The following TUBA3E variants were observed in gnomAD, a reference collection of about 807,000 sequenced individuals.
TUBA3E encodes tubulin alpha 3e.
A neutral mutation model predicts 36.7 loss-of-function variants in TUBA3E; 21 were observed. The observed-to-expected ratio is 0.57, with a 90% CI of 0.41 to 0.83. The LOEUF (loss-of-function observed/expected upper bound fraction) is 0.83, where lower values mean the gene tolerates loss of function less well. TUBA3E is among the 40% of genes least tolerant of loss of function. TUBA3E has a pLI of 0.00. For missense variants in TUBA3E, 469 were observed against 604.2 expected (o/e 0.78, Z 2.35); for synonymous variants, 177 against 241.9 (o/e 0.73, Z 2.49).
intron 1 of TUBA3E, among the ~76,000 whole-genome samples, chr2:130,197,036 C>A (rs541178282): frequency 6.6e-6 from 1 of 152,306 alleles, no homozygotes; most frequent in East Asian, 1.9e-4. Flanking sequence ...TGACCTGAAT[C>A]CCTCTCAAGG....
In TUBA3E at chr2:130,193,985, AGCTGCTCGTGGTAG is replaced by A. The variant is rs1301757663; in HGVS notation, c.843_856del (p.Tyr282ValfsTer20). The A allele has an allele frequency of 6.2e-7, 1 of 1,614,044 alleles. No individual in the cohort carries two copies. The highest frequency in any genetic ancestry group is 2.2e-5 in the East Asian group (1 of 44,892). ...GGCATTGGTGATCTCGGCCACAGAC[AGCTGCTCGTGGTAG>A]GCCTTCTCAGCTGAGATGACTGGGG... is the stretch of plus-strand genomic sequence containing the variant. On this transcript the variant is annotated frameshift_variant, in exon 4 of 5. Transcript: ENST00000312988. LOFTEE classifies it high-confidence loss of function.
chr2:130,195,294 G>C lies in TUBA3E; in HGVS notation c.227-67C>G, dbSNP rs1008864865. 3.2e-6 allele frequency: 5 copies of C among 1,573,318 alleles called. No individual in the cohort carries two copies. In the African/African-American group the frequency reaches 5.5e-5, roughly 17 times the overall value. On this transcript the variant is annotated intron_variant, in intron 2 of 4. Coordinates refer to ENST00000312988, the MANE Select transcript of TUBA3E (RefSeq NM_207312.3). ...TACTCACCAAGATGGACACATTCCAGGAGTGTTCACTTCTACAGAGCACAT... is the reference window on the plus strand; with the variant it reads ...TACTCACCAAGATGGACACATTCCACGAGTGTTCACTTCTACAGAGCACAT...
Position 130,195,166 on chromosome 2 carries a change from C to T in TUBA3E, c.288G>A (p.Lys96=), listed in dbSNP as rs767204960. 8 of 1,613,842 alleles carry T rather than the reference C, an allele frequency of 5.0e-6. No homozygotes were observed. Among genetic ancestry groups the T allele is most frequent in the African/African-American group, 1.3e-5 (1 of 74,802 alleles). Residue 96 remains lysine (K), a synonymous_variant, in exon 3 of 5, where the codon AAG becomes AAA. Transcript: ENST00000312988. ...LFHPEQLITG[K]EDAASNYARG... ...TGGCGTAATTACTGGCTGCATCTTC[C>T]TTCCCGGTGATCAGCTGCTCTGGGT...
At position 130,194,032 on chromosome 2, in the gene TUBA3E, G is replaced by A; in HGVS notation, c.810C>T (p.Ala270=). ...VPYPRIHFPL[A]TYAPVISAEK... Reference sequence around the variant, plus strand: ...CAGCTGAGATGACTGGGGCGTAGGTGGCCAGGGGGAAGTGGATGCGGGGGT... The same window carrying A: ...CAGCTGAGATGACTGGGGCGTAGGTAGCCAGGGGGAAGTGGATGCGGGGGT... The change falls in exon 4 of 5, where the codon GCC becomes GCT. Residue 270 remains alanine (A), a synonymous_variant. Transcript: ENST00000312988. The A allele has an allele frequency of 6.2e-7, 1 of 1,614,238 alleles. No homozygotes were observed.
In TUBA3E at chr2:130,193,930, C is replaced by G; in HGVS notation, c.912G>C (p.Lys304Asn). 1.2e-6 allele frequency: 2 copies of G among 1,614,240 alleles called. No individual in the cohort carries two copies. Among genetic ancestry groups the G allele is most frequent in the Non-Finnish European group, 8.5e-7 (1 of 1,180,044 alleles). The change falls in exon 4 of 5, where the codon AAG (lysine) becomes AAC (asparagine). Residue 304 changes from lysine (K) to asparagine (N), a missense_variant. By Grantham distance (94) the Lys-to-Asn change is moderately conservative. Around this residue, in one of 3 missense-constraint regions of TUBA3E, gnomAD observed 296 missense variants for 346.9 expected, o/e 0.85. Coordinates refer to ENST00000312988, the MANE Select transcript of TUBA3E (RefSeq NM_207312.3). ...ACFEPANQMVKCDPRHGKYMA... is the reference protein window; with the variant it reads ...ACFEPANQMVNCDPRHGKYMA... ...TGTACTTGCCATGGCGAGGGTCACACTTGACCATCTGATTGGCTGGCTCGA... is the reference window on the plus strand; with the variant it reads ...TGTACTTGCCATGGCGAGGGTCACAGTTGACCATCTGATTGGCTGGCTCGA...
intron 4 of TUBA3E, among the ~76,000 whole-genome samples, chr2:130,193,263 A>G (rs1179132947): frequency 6.6e-6 from 1 of 151,946 alleles, no homozygotes; most frequent in East Asian, 1.9e-4. Context: ...AAATAAATAA[A>G]TAAATAAAGC....
chr2:130,193,723 A>G lies in TUBA3E; in HGVS notation c.1056+63T>C, dbSNP rs1288920368. ...GTCTCCCCAAAGGATGTGGGCCTTC[A>G]AGGCCAGTGTTATTTTGTGCATCTG... On this transcript the variant is annotated intron_variant, in intron 4 of 4. Transcript: ENST00000312988. The G allele has an allele frequency of 5.2e-6, 8 of 1,551,308 alleles. No individual in the cohort carries two copies. The Admixed American group carries it at 5.5e-5, about 11-fold the overall frequency.
chr2:130,192,794 T>TTG (rs1337883917), intron 4 of TUBA3E, among the ~76,000 whole-genome samples: 1 of 152,138 alleles, frequency 6.6e-6, no homozygotes, highest in Non-Finnish European at 1.5e-5. Context: ...AGCAAACTCG[T>TTG]TCTATAAATG....
chr2:130,194,544 C>G lies in TUBA3E; in HGVS notation c.376-78G>C, dbSNP rs748612168. 14 of 1,449,016 alleles carry G rather than the reference C, an allele frequency of 9.7e-6. No homozygotes were observed. In the Admixed American group the frequency reaches 2.2e-4, roughly 22 times the overall value. The allele number at this position is 1,449,016 out of a possible 1,614,324, so 89.8% of individuals were successfully genotyped here. ...CCTCCAACAAGCCAGGGCCGCTTCTCTTTGCCTCTAAAGAGTTGATATGGA... is the reference window on the plus strand; with the variant it reads ...CCTCCAACAAGCCAGGGCCGCTTCTGTTTGCCTCTAAAGAGTTGATATGGA... On this transcript the variant is annotated intron_variant, in intron 3 of 4. Coordinates refer to ENST00000312988, the MANE Select transcript of TUBA3E (RefSeq NM_207312.3).
At chr2:130,196,673 C>T (rs1690412527) in intron 1 of TUBA3E, among the ~76,000 whole-genome samples, 1 of 152,152 alleles carries the variant, frequency 6.6e-6, no homozygotes. Context: ...CATTATAGCC[C>T]GTCACAGTAA....
Position 130,198,259 on chromosome 2 carries a change from T to G in TUBA3E, c.3+99A>C. 2 of 1,274,534 alleles carry G rather than the reference T, an allele frequency of 1.6e-6. 1 individual carries two copies. Among genetic ancestry groups the G allele is most frequent in the East Asian group, 5.6e-5 (2 of 35,470 alleles). The allele number at this position is 1,274,534 out of a possible 1,614,324, so 79.0% of individuals were successfully genotyped here. ...CTAGACCCTGCGTCCTTCTCTGGCC[T>G]CCTCTCAGCGCCCAGGCCCGCAACA... On this transcript the variant is annotated intron_variant, in intron 1 of 4. Coordinates refer to ENST00000312988, the MANE Select transcript of TUBA3E (RefSeq NM_207312.3).
chr2:130,193,743 C>A, intron 4 of TUBA3E, 43 bp downstream of exon 4: 1 of 1,566,672 alleles, frequency 6.4e-7, no homozygotes, highest in Non-Finnish European at 8.7e-7. Context: ...TTATTTTGTG[C>A]ATCTGCTGCT....
At chr2:130,197,155 C>T (rs1690427671) in intron 1 of TUBA3E, among the ~76,000 whole-genome samples, 1 of 152,166 alleles carries the variant, frequency 6.6e-6, no homozygotes, top group Non-Finnish European at 1.5e-5. Context: ...TCCCAGACAT[C>T]ATCAGTGCTG....
At chr2:130,194,519 C>A (rs1007243911) in intron 3 of TUBA3E, 53 bp from the exon 4 acceptor site, 3 of 1,501,780 alleles carry the variant, frequency 2.0e-6, no homozygotes, top group African/African-American at 1.4e-5. Context: ...ACACCACCAA[C>A]CTCCAACAAG....
At position 130,195,041 on chromosome 2, in the gene TUBA3E, A is replaced by G. The variant is rs374682452; in HGVS notation, c.375+38T>C. ...TCACATTCCAAGAACTACCCCTCCC[A>G]TGCAAGACAATGGCCACATGAAACC... is the stretch of plus-strand genomic sequence containing the variant. On this transcript the variant is annotated intron_variant, in intron 3 of 4. Transcript: ENST00000312988. 537 of 1,609,254 alleles carry G rather than the reference A, an allele frequency of 3.3e-4. 5 individuals are homozygous for G. In the South Asian group the frequency reaches 5.3e-3, roughly 16 times the overall value.
In TUBA3E at chr2:130,192,087, C is replaced by G; in HGVS notation, c.1097G>C (p.Gly366Ala). The change falls in exon 5 of 5, where the codon GGA becomes GCA. Residue 366 changes from glycine to alanine, a missense_variant. By Grantham distance (60) the Gly-to-Ala change is moderately conservative (BLOSUM62 0). Transcript: ENST00000312988. ...GGCCCGCTGCACCTTGGCCAGGTCTCCCCCGGGGACCACTGTGGGGGGCTG... is the reference window on the plus strand; with the variant it reads ...GGCCCGCTGCACCTTGGCCAGGTCTGCCCCGGGGACCACTGTGGGGGGCTG... The part of the protein sequence containing the change: ...NYQPPTVVPG[G>A]DLAKVQRAVC... The G allele has an allele frequency of 6.2e-7, 1 of 1,606,494 alleles. No homozygotes were observed.
chr2:130,196,390 A>T lies in TUBA3E; in HGVS notation c.4-19T>A, dbSNP rs1394477610. ...ACTCGCGCTGTGAACCGGAACATAA[A>T]TGTGAACCCATTCATTTCAAGGCAA... On this transcript the variant is annotated intron_variant, in intron 1 of 4. Transcript: ENST00000312988. 2 of 1,605,356 alleles carry T rather than the reference A, an allele frequency of 1.2e-6. No individual in the cohort carries two copies. The highest frequency in any genetic ancestry group is 3.3e-4 in the Middle Eastern group (2 of 6,026).
In TUBA3E at chr2:130,191,827, C is replaced by A; in HGVS notation, c.*4G>T. ...GGCAGGGGAGAACCCACCACACCCT[C>A]CCCTCAGTATGCTTCGCCTTCTTCA... On this transcript the variant is annotated 3_prime_UTR_variant, in exon 5 of 5. Coordinates refer to ENST00000312988, the MANE Select transcript of TUBA3E (RefSeq NM_207312.3). 6.3e-7 allele frequency: 1 copy of A among 1,591,438 alleles called. No individual in the cohort carries two copies. Among genetic ancestry groups the A allele is most frequent in the Non-Finnish European group, 8.5e-7 (1 of 1,169,698 alleles).
rs777368405 is a variant in TUBA3E, at chr2:130,194,240, G to C, written c.602C>G (p.Ala201Gly). 2 of 1,612,154 alleles carry C rather than the reference G, an allele frequency of 1.2e-6. No individual in the cohort carries two copies. The highest frequency in any genetic ancestry group is 4.5e-5 in the East Asian group (2 of 44,860). ...THTTLEHSDC[A>G]FMVDNEAIYD... ...GATGGCTTCATTGTCGACCATGAAG[G>C]CACAGTCAGAATGTTCCAGGGTCGT... is the stretch of plus-strand genomic sequence containing the variant. The change falls in exon 4 of 5, where the codon GCC becomes GGC. Residue 201 changes from alanine to glycine, a missense_variant. By Grantham distance (60) the Ala-to-Gly change is moderately conservative. Coordinates refer to ENST00000312988, the MANE Select transcript of TUBA3E (RefSeq NM_207312.3).
Sources: allele counts gnomAD v4.1 joint callset (sites outside exome capture counted in the v4.1 genomes callset), GRCh38; gene constraint gnomAD v4.1.1; regional missense constraint gnomAD v4.1.1; transcripts MANE v1.5; gene names NCBI Gene and HGNC (gene_info 2026-07-23, HGNC 2026-07-21).